Variants in JAKMIP1 observed in about 807,000 individuals in gnomAD.
JAKMIP1 encodes the protein janus kinase and microtubule interacting protein 1, also known as janus kinase and microtubule-interacting protein 1.
A neutral mutation model predicts 113.0 loss-of-function variants in JAKMIP1; 33 were observed. The observed-to-expected ratio is 0.29, with a 90% CI of 0.22 to 0.39. JAKMIP1 has a LOEUF of 0.39. Among genes scored for constraint, JAKMIP1 ranks in the 10% least tolerant of loss-of-function variants. The pLI is 1.00. For missense variants in JAKMIP1, 813 were observed against 1,080.5 expected (o/e 0.75, Z 3.47); for synonymous variants, 480 against 459.9 (o/e 1.04, Z -0.56).
At position 6,116,374 on chromosome 4, in the gene JAKMIP1, A is replaced by G. The variant is rs1265167166; in HGVS notation, c.-147-3377T>C. Among the ~76,000 whole-genome samples, 1 of 151,964 alleles carries G rather than the reference A, an allele frequency of 6.6e-6. No individual in the cohort carries two copies. The highest frequency in any genetic ancestry group is 1.5e-5 in the Non-Finnish European group (1 of 67,994). On this transcript the variant is annotated intron_variant, in intron 1 of 20. Transcript: ENST00000409021. This position sits in a 1 kb window ranked among gnomAD's most constrained non-coding sequence, Gnocchi z 5.1. ...CTGAGCCCACTGCCCACCAAGCAGG[A>G]GATGGCACAGCCCACTGTCGAGGAA... is the stretch of plus-strand genomic sequence containing the variant.
chr4:6,055,733 C>T lies in JAKMIP1; in HGVS notation c.1707+964G>A, dbSNP rs940831727. ...CATTTCTGCAGGTGTCCCCAGAGGT[C>T]GGGCCAGCCCTCCCCATTTCTGCAG... is the stretch of plus-strand genomic sequence containing the variant. On this transcript the variant is annotated intron_variant, in intron 12 of 20. Transcript: ENST00000409021. Among the ~76,000 whole-genome samples, 5 of 150,124 alleles carry T rather than the reference C, an allele frequency of 3.3e-5. No individual in the cohort carries two copies. The South Asian group carries it at 6.5e-4, about 19-fold the overall frequency.
In JAKMIP1 at chr4:6,040,311, G is replaced by T. The variant is rs1374521628; in HGVS notation, c.2175+328C>A. ...CTTTTTCCTATTTATAGGAAAACTT[G>T]CTTTGGGACTTTAAGTCTAAATATT... On this transcript the variant is annotated intron_variant, in intron 18 of 20. Transcript: ENST00000409021. The surrounding 1 kb of genome is among the most constrained non-coding windows in gnomAD (Gnocchi z 5.8). Among the ~76,000 whole-genome samples, 1 of 152,170 alleles carries T rather than the reference G, an allele frequency of 6.6e-6. No homozygotes were observed. The highest frequency in any genetic ancestry group is 1.5e-5 in the Non-Finnish European group (1 of 68,038).
chr4:6,170,318 A>G (rs865921418), intron 1 of JAKMIP1, among the ~76,000 whole-genome samples: 103 of 135,566 alleles, frequency 7.6e-4, no homozygotes, highest in African/African-American at 2.7e-3. Flanking sequence ...AACCCTCTCC[A>G]CCATCACCAC....
intron 1 of JAKMIP1, among the ~76,000 whole-genome samples, chr4:6,161,187 CT>C (rs1371676331): frequency 2.7e-5 from 4 of 149,384 alleles, no homozygotes; most frequent in African/African-American, 7.4e-5. Context: ...CTCACCTCCC[CT>C]GATCTCCACT....
Position 6,081,539 on chromosome 4 carries a change from G to T in JAKMIP1, c.1101+70C>A. On this transcript the variant is annotated intron_variant, in intron 6 of 20. Transcript: ENST00000409021. This position sits in a 1 kb window ranked among gnomAD's most constrained non-coding sequence, Gnocchi z 4.6. ...GCGCCCCAGAACATGTGAATCGGGA[G>T]GTTCAGGGCTGAAGAATCCCAGACA... is the stretch of plus-strand genomic sequence containing the variant. 6.4e-7 allele frequency: 1 copy of T among 1,564,994 alleles called. No individual in the cohort carries two copies. Among genetic ancestry groups the T allele is most frequent in the Middle Eastern group, 1.7e-4 (1 of 5,816 alleles).
rs555211946 is a variant in JAKMIP1 at position 6,139,397 on chromosome 4, G to A, written c.-147-26400C>T. Among the ~76,000 whole-genome samples the A allele has an allele frequency of 1.3e-5, 2 of 152,214 alleles. No individual in the cohort carries two copies. The highest frequency in any genetic ancestry group is 3.9e-4 in the East Asian group (2 of 5,186). On this transcript the variant is annotated intron_variant, in intron 1 of 20. Coordinates refer to ENST00000409021, the MANE Select transcript of JAKMIP1 (RefSeq NM_001099433.2). This position sits in a 1 kb window ranked among gnomAD's most constrained non-coding sequence, Gnocchi z 5.2. ...TCAGAGGTGGTCTTATGGGAAACAG[G>A]GTCTTTACTGAGGTCATCTAATTGA... is the stretch of plus-strand genomic sequence containing the variant.
At chr4:6,117,531 A>G (rs1716000311) in intron 1 of JAKMIP1, among the ~76,000 whole-genome samples, 1 of 152,186 alleles carries the variant, frequency 6.6e-6, no homozygotes, top group Non-Finnish European at 1.5e-5. Context: ...CCGAAGTGAA[A>G]TTAAAATTGC....
chr4:6,049,401 G>T lies in JAKMIP1; in HGVS notation c.1962+418C>A, dbSNP rs191408490. Among the ~76,000 whole-genome samples the T allele has an allele frequency of 9.4e-4, 143 of 152,308 alleles. No homozygotes were observed. The highest frequency in any genetic ancestry group is 1.4e-3 in the Non-Finnish European group (96 of 68,028). On this transcript the variant is annotated intron_variant, in intron 15 of 20. Coordinates refer to ENST00000409021, the MANE Select transcript of JAKMIP1 (RefSeq NM_001099433.2). The surrounding 1 kb of genome is among the most constrained non-coding windows in gnomAD (Gnocchi z 7.0). Reference sequence around the variant, plus strand: ...CGAGGGTCAGCTCCCTCTCGCTAATGGGGCCAGCGCCTCAGGCAGACAGCT... The same window carrying T: ...CGAGGGTCAGCTCCCTCTCGCTAATTGGGCCAGCGCCTCAGGCAGACAGCT...
intron 3 of JAKMIP1, among the ~76,000 whole-genome samples, chr4:6,095,271 A>T (rs1188054138): frequency 8.0e-6 from 1 of 125,728 alleles, no homozygotes; most frequent in African/African-American, 3.1e-5. Flanking sequence ...AAAGGAAGAA[A>T]GGAAGGAAGG....
At position 6,194,851 on chromosome 4, in the gene JAKMIP1, T is replaced by A. The variant is rs1448572711; in HGVS notation, c.-148+5402A>T. 2.0e-5 allele frequency among the ~76,000 whole-genome samples: 3 copies of A among 151,974 alleles called. No individual in the cohort carries two copies. The highest frequency in any genetic ancestry group is 4.4e-5 in the Non-Finnish European group (3 of 67,992). On this transcript the variant is annotated intron_variant, in intron 1 of 20. Coordinates refer to ENST00000409021, the MANE Select transcript of JAKMIP1 (RefSeq NM_001099433.2). This position sits in a 1 kb window ranked among gnomAD's most constrained non-coding sequence, Gnocchi z 7.4. ...CCCAGGCCAGTTGGGAGTTTTAGGA[T>A]GTGCAGTGGGTCCTGAGGATGCTTG...
Position 6,064,914 on chromosome 4 carries a change from C to T in JAKMIP1, c.1397G>A (p.Arg466Lys), listed in dbSNP as rs1717841054. Reference protein sequence around the residue: ...ETSYNTDRTDRTPATPEEDLD... With the variant: ...ETSYNTDRTDKTPATPEEDLD... Reference sequence around the variant, plus strand: ...GTCTTCTTCGGGCGTGGCTGGGGTCCTGTCTGTCCTGTCTGTGTTGTAGGA... The same window carrying T: ...GTCTTCTTCGGGCGTGGCTGGGGTCTTGTCTGTCCTGTCTGTGTTGTAGGA... The change falls in exon 9 of 21, where the codon AGG (arginine) becomes AAG (lysine). Residue 466 changes from arginine to lysine, a missense_variant. This residue lies in a region of JAKMIP1 where 540 missense variants were observed against 653.9 expected (regional missense o/e 0.83). Transcript: ENST00000409021. The surrounding 1 kb of genome is among the most constrained non-coding windows in gnomAD (Gnocchi z 4.3). The T allele has an allele frequency of 6.2e-7, 1 of 1,614,122 alleles. No homozygotes were observed. Among genetic ancestry groups the T allele is most frequent in the Non-Finnish European group, 8.5e-7 (1 of 1,180,032 alleles).
rs1273902905 is a variant in JAKMIP1, at chr4:6,094,919, G to C, written c.625-9290C>G. Reference sequence around the variant, plus strand: ...GGATTGCTTGAGCCTGGAAGGTAGAGGCTGCAGTGAGCTGTGATTGCACCA... The same window carrying C: ...GGATTGCTTGAGCCTGGAAGGTAGACGCTGCAGTGAGCTGTGATTGCACCA... On this transcript the variant is annotated intron_variant, in intron 3 of 20. Coordinates refer to ENST00000409021, the MANE Select transcript of JAKMIP1 (RefSeq NM_001099433.2). The surrounding 1 kb of genome is among the most constrained non-coding windows in gnomAD (Gnocchi z 4.2). Among the ~76,000 whole-genome samples, 6 of 152,180 alleles carry C rather than the reference G, an allele frequency of 3.9e-5. No individual in the cohort carries two copies. Among genetic ancestry groups the C allele is most frequent in the South Asian group, 2.1e-4 (1 of 4,810 alleles).
rs1363987438 is a variant in JAKMIP1 at position 6,185,004 on chromosome 4, A to G, written c.-148+15249T>C. 6.6e-6 allele frequency among the ~76,000 whole-genome samples: 1 copy of G among 152,144 alleles called. No homozygotes were observed. The highest frequency in any genetic ancestry group is 1.5e-5 in the Non-Finnish European group (1 of 68,026). ...TGGATGCTTCCTCCCCTCGAACATC[A>G]GACTCCAAGTTCTTCAGCGTTTGGC... is the stretch of plus-strand genomic sequence containing the variant. On this transcript the variant is annotated intron_variant, in intron 1 of 20. Transcript: ENST00000409021. This position sits in a 1 kb window ranked among gnomAD's most constrained non-coding sequence, Gnocchi z 5.3.
In JAKMIP1 at chr4:6,139,391, A is replaced by G. The variant is rs535499368; in HGVS notation, c.-147-26394T>C. ...GTACCCTCAGAGGTGGTCTTATGGG[A>G]AACAGGGTCTTTACTGAGGTCATCT... On this transcript the variant is annotated intron_variant, in intron 1 of 20. Coordinates refer to ENST00000409021, the MANE Select transcript of JAKMIP1 (RefSeq NM_001099433.2). This position sits in a 1 kb window ranked among gnomAD's most constrained non-coding sequence, Gnocchi z 5.2. Among the ~76,000 whole-genome samples the G allele has an allele frequency of 6.6e-6, 1 of 152,234 alleles. No homozygotes were observed. The highest frequency in any genetic ancestry group is 2.1e-4 in the South Asian group (1 of 4,818).
chr4:6,127,376 C>T lies in JAKMIP1; in HGVS notation c.-147-14379G>A, dbSNP rs78915300. ...TCACACCGTGGAGTTTGCTGAAAAC[C>T]GGCCATTCTGGAAGGAAAGATGGGA... On this transcript the variant is annotated intron_variant, in intron 1 of 20. Transcript: ENST00000409021. 3.9e-5 allele frequency among the ~76,000 whole-genome samples: 6 copies of T among 152,210 alleles called. No homozygotes were observed. In the East Asian group the frequency reaches 7.7e-4, roughly 20 times the overall value.
Position 6,129,197 on chromosome 4 carries a change from C to T in JAKMIP1, c.-147-16200G>A, listed in dbSNP as rs570357012. Among the ~76,000 whole-genome samples, 3 of 152,342 alleles carry T rather than the reference C, an allele frequency of 2.0e-5. No individual in the cohort carries two copies. On this transcript the variant is annotated intron_variant, in intron 1 of 20. Transcript: ENST00000409021. The surrounding 1 kb of genome is among the most constrained non-coding windows in gnomAD (Gnocchi z 5.4). ...GGCAGGAGGACACACGCCATCCAGC[C>T]ATCAAGGGACACAGGTTTCCTGATT...
In JAKMIP1 at chr4:6,069,047, A is replaced by G. The variant is rs377286848; in HGVS notation, c.1303-4039T>C. On this transcript the variant is annotated intron_variant, in intron 8 of 20. Coordinates refer to ENST00000409021, the MANE Select transcript of JAKMIP1 (RefSeq NM_001099433.2). This position sits in a 1 kb window ranked among gnomAD's most constrained non-coding sequence, Gnocchi z 4.5. ...TCTTTATTAATAAAAAATAGAAACA[A>G]TATATTAATGTTTAAAGTAAAAACA... Among the ~76,000 whole-genome samples the G allele has an allele frequency of 3.5e-4, 53 of 152,324 alleles. 1 individual carries two copies. In the East Asian group the frequency reaches 7.5e-3, roughly 22 times the overall value.
chr4:6,169,340 TACTC>T (rs1325176102), intron 1 of JAKMIP1, among the ~76,000 whole-genome samples: 7 of 152,058 alleles, frequency 4.6e-5, no homozygotes, highest in South Asian at 4.1e-4. Context: ...TTATAAAAGA[TACTC>T]AGACAGACGC....
In JAKMIP1 at chr4:6,071,912, G is replaced by A. The variant is rs570752773; in HGVS notation, c.1303-6904C>T. ...AGCAATGCTCAGAGGGGCCTCCCAT[G>A]CTTCTGGCACAGAGCCCGCTGTGAA... On this transcript the variant is annotated intron_variant, in intron 8 of 20. Transcript: ENST00000409021. Among the ~76,000 whole-genome samples the A allele has an allele frequency of 6.6e-5, 10 of 152,322 alleles. No individual in the cohort carries two copies. The East Asian group carries it at 1.9e-3, about 29-fold the overall frequency.
Sources: allele counts gnomAD v4.1 joint callset (sites outside exome capture counted in the v4.1 genomes callset), GRCh38; gene constraint gnomAD v4.1.1; regional missense constraint gnomAD v4.1.1; non-coding constraint Gnocchi (gnomAD v3.1); transcripts MANE v1.5; gene names NCBI Gene and HGNC (gene_info 2026-07-23, HGNC 2026-07-21).